AK5: variants seen among roughly 807,000 people sequenced by gnomAD.
AK5 encodes the protein adenylate kinase isoenzyme 5.
AK5 carries 27 observed loss-of-function variants against 69.5 expected under a neutral mutation model. The ratio of observed to expected loss-of-function variants is 0.39; its 90% CI spans 0.29 to 0.54. AK5 has a LOEUF of 0.54. Ranked by LOEUF, AK5 falls within the 20% of genes least tolerant of loss-of-function variation. The pLI is 0.71. For synonymous variants in AK5, 260 were observed against 244.4 expected (o/e 1.06, Z -0.60); for missense variants, 531 against 700.4 (o/e 0.76, Z 2.73).
At chr1:77,476,545 G>C (rs537966369) in intron 8 of AK5, among the ~76,000 whole-genome samples, 3 of 152,060 alleles carry the variant, frequency 2.0e-5, no homozygotes, top group African/African-American at 7.2e-5. Flanking sequence ...ATCCATCTTC[G>C]TTTCTATTCA....
chr1:77,411,876 C>G (rs1432293774), intron 7 of AK5, among the ~76,000 whole-genome samples: 1 of 152,204 alleles, frequency 6.6e-6, no homozygotes, highest in East Asian at 1.9e-4. Context: ...GGTAGTCTTT[C>G]TGGGCAGACC....
chr1:77,305,251 G>A (rs113535318), intron 5 of AK5, among the ~76,000 whole-genome samples: 10,185 of 151,900 alleles, frequency 0.067, 428 homozygotes, highest in Non-Finnish European at 0.085. Flanking sequence ...GGGGTAGTTT[G>A]CAAATTTTTT....
In AK5 at chr1:77,282,198, A is replaced by G. The variant is rs1658096772; in HGVS notation, c.-116A>G. 31 of 924,090 alleles carry G rather than the reference A, an allele frequency of 3.4e-5. 1 individual carries two copies. The South Asian group carries it at 5.8e-4, about 17-fold the overall frequency. The allele number at this position is 924,090 out of a possible 1,614,324, so 57.2% of individuals were successfully genotyped here. A position where few individuals can be genotyped will look rare whatever the true frequency, so the allele number is the denominator to read the frequency against. On this transcript the variant is annotated 5_prime_UTR_variant, in exon 1 of 14. Transcript: ENST00000354567. The stretch of plus-strand genomic sequence containing the variant: ...AGGCTGAGCTGAGTGCGCGTGAGAA[A>G]GAGGGCTGCACCGCTGCTCGGCGCG...
intron 3 of AK5, among the ~76,000 whole-genome samples, chr1:77,296,125 T>C (rs1304776885): frequency 6.6e-6 from 1 of 152,132 alleles, no homozygotes; most frequent in Non-Finnish European, 1.5e-5. Flanking sequence ...AATTATAAAA[T>C]AATTGTACCT....
chr1:77,535,027 G>A (rs181882959), intron 12 of AK5, among the ~76,000 whole-genome samples: 1 of 152,098 alleles, frequency 6.6e-6, no homozygotes, highest in Non-Finnish European at 1.5e-5. Flanking sequence ...GGGCTGGTAG[G>A]GCATCTCCGT....
At chr1:77,451,216 T>C (rs1189670640) in intron 8 of AK5, among the ~76,000 whole-genome samples, 1 of 151,856 alleles carries the variant, frequency 6.6e-6, no homozygotes, top group Non-Finnish European at 1.5e-5. Flanking sequence ...CAAAACTACA[T>C]GCTATGGAAA....
intron 5 of AK5, among the ~76,000 whole-genome samples, chr1:77,299,155 T>C (rs925384196): frequency 6.6e-5 from 10 of 152,144 alleles, no homozygotes; most frequent in Admixed American, 2.0e-4. Flanking sequence ...GATTCATGTT[T>C]AAAATTTTTG....
intron 10 of AK5, among the ~76,000 whole-genome samples, chr1:77,517,184 G>T (rs1273522239): frequency 6.6e-6 from 1 of 152,000 alleles, no homozygotes; most frequent in African/African-American, 2.4e-5. Flanking sequence ...TTTACTCTGG[G>T]AGCATAGGAG....
At chr1:77,462,074 C>T (rs1653873783) in intron 8 of AK5, among the ~76,000 whole-genome samples, 2 of 152,202 alleles carry the variant, frequency 1.3e-5, no homozygotes, top group South Asian at 4.1e-4. Flanking sequence ...TTTAGAAAAA[C>T]ATTTCTGACT....
At chr1:77,501,194 G>C (rs187575579) in intron 10 of AK5, among the ~76,000 whole-genome samples, 21 of 152,330 alleles carry the variant, frequency 1.4e-4, no homozygotes, top group South Asian at 1.0e-3. Context: ...TATGCCCCTC[G>C]TAGCCCAGGA....
At chr1:77,423,212 C>T (rs1650955443) in intron 8 of AK5, among the ~76,000 whole-genome samples, 1 of 120,442 alleles carries the variant, frequency 8.3e-6, no homozygotes, top group South Asian at 2.8e-4. Flanking sequence ...CAGAGCAAGA[C>T]TCCGTCTAAA....
At chr1:77,367,900 ATTAT>A (rs59813735) in intron 6 of AK5, among the ~76,000 whole-genome samples, 5,153 of 8,180 alleles carry the variant, frequency 0.63, 2,260 homozygotes, top group Middle Eastern at 1. Flanking sequence ...TGTGATATAT[ATTAT>A]ATATAAAATA....
chr1:77,284,438 T>C (rs750361103), intron 1 of AK5, among the ~76,000 whole-genome samples: 1 of 152,368 alleles, frequency 6.6e-6, no homozygotes, highest in African/African-American at 2.4e-5. Context: ...CTGATTATTG[T>C]ATTGACGTAT....
chr1:77,486,321 T>C lies in AK5; in HGVS notation c.1116T>C (p.Asp372=), dbSNP rs768599987. 1.4e-5 allele frequency: 22 copies of C among 1,579,960 alleles called. No homozygotes were observed. Among genetic ancestry groups the C allele is most frequent in the Non-Finnish European group, 1.8e-5 (21 of 1,151,778 alleles). ...GEDTMGGFME[D]LRKCKIIFII... ...CTTATTTTAAAGGTTTCATGGAAGA[T>C]TTGAGAAAGTGTAAAATTATTTTCA... Residue 372 remains aspartate (D), a synonymous_variant, in exon 10 of 14, where the codon GAT becomes GAC. Transcript: ENST00000354567.
chr1:77,546,768 A>T (rs935203839), intron 13 of AK5, among the ~76,000 whole-genome samples: 1 of 152,248 alleles, frequency 6.6e-6, no homozygotes, highest in Non-Finnish European at 1.5e-5. Context: ...ACCCCAGCGA[A>T]GTAGTAGGTG....
At chr1:77,288,460 A>G (rs745751116) in intron 2 of AK5, among the ~76,000 whole-genome samples, 10 of 152,172 alleles carry the variant, frequency 6.6e-5, no homozygotes, top group Non-Finnish European at 1.3e-4. Context: ...TCTGCAATGA[A>G]TATCAGCAGG....
chr1:77,282,979 C>T (rs1619903), intron 1 of AK5: 465,525 of 985,284 alleles, frequency 0.47, 110,628 homozygotes, highest in East Asian at 0.71. Context: ...GCACGTTTTT[C>T]CCGTTGCCTA....
intron 8 of AK5, among the ~76,000 whole-genome samples, chr1:77,472,729 A>AT (rs965819788): frequency 2.4e-4 from 35 of 143,264 alleles, no homozygotes; most frequent in African/African-American, 9.3e-4. Context: ...CTAAAAATGA[A>AT]TTTTTTTAAA....
chr1:77,503,677 G>A (rs763763775), intron 10 of AK5, among the ~76,000 whole-genome samples: 1 of 152,050 alleles, frequency 6.6e-6, no homozygotes, highest in Non-Finnish European at 1.5e-5. Context: ...CGAGGCAGAC[G>A]GATCACCTGA....
Sources: gnomAD v4.1 joint callset for allele counts (sites outside exome capture counted in the v4.1 genomes callset) on GRCh38, gnomAD v4.1.1 for gene constraint, MANE v1.5 for transcripts, NCBI Gene and HGNC (gene_info 2026-07-23, HGNC 2026-07-21) for gene names.